The following CROCC2 variants were observed in gnomAD, a reference collection of about 807,000 sequenced individuals.
CROCC2 encodes ciliary rootlet coiled-coil protein 2.
CROCC2 carries 163 observed loss-of-function variants against 177.6 expected under a neutral mutation model. That is an observed-to-expected ratio of 0.92 (90% CI 0.81 to 1.05). The LOEUF is 1.05. Ranked by LOEUF, CROCC2 falls within the 50% of genes least tolerant of loss-of-function variation. The pLI, the probability that CROCC2 is intolerant of heterozygous loss-of-function variation, is 0.00. For missense variants in CROCC2, 1,929 were observed against 1,797.8 expected (o/e 1.07, Z -1.32); for synonymous variants, 904 against 787.3 (o/e 1.15, Z -2.48).
intron 27 of CROCC2, among the ~76,000 whole-genome samples, chr2:240,974,870 T>G (rs1246822497): frequency 1.3e-5 from 2 of 152,212 alleles, no homozygotes; most frequent in Admixed American, 1.3e-4. Flanking sequence ...TTTTTATTTC[T>G]TCTTAAATTT....
chr2:240,914,421 G>A (rs551448810), intron 1 of CROCC2, among the ~76,000 whole-genome samples: 1 of 152,348 alleles, frequency 6.6e-6, no homozygotes, highest in South Asian at 2.1e-4. Flanking sequence ...CTTCACTCTC[G>A]TGGACACACA....
Position 240,932,379 on chromosome 2 carries a change from A to G in CROCC2, c.1009A>G (p.Thr337Ala), listed in dbSNP as rs2059437932. Residue 337 changes from threonine (T) to alanine (A), a missense_variant, in exon 8 of 32, where the codon ACC becomes GCC. Transcript: ENST00000690015. Reference protein sequence around the residue: ...LTEQNEQKAKTIAALRTDLQN... With the variant: ...LTEQNEQKAKAIAALRTDLQN... ...AGAGCAGAATGAGCAGAAGGCGAAG[A>G]CCATCGCTGCCCTCAGAACCGACCT... 1.4e-6 allele frequency: 1 copy of G among 717,326 alleles called. No individual in the cohort carries two copies. The highest frequency in any genetic ancestry group is 2.0e-5 in the Admixed American group (1 of 50,004). The allele number at this position is 717,326 out of a possible 1,614,324, so 44.4% of individuals were successfully genotyped here.
At chr2:240,985,921 G>A (rs1318487303) in intron 28 of CROCC2, 1 of 456,366 alleles carries the variant, frequency 2.2e-6, no homozygotes. Context: ...GGCAGAGTGG[G>A]CACATGGCCC....
At chr2:240,947,145 A>T (rs1046969608) in intron 15 of CROCC2, among the ~76,000 whole-genome samples, 1 of 152,258 alleles carries the variant, frequency 6.6e-6, no homozygotes, top group African/African-American at 2.4e-5. Context: ...GAATTCTAGA[A>T]TCTGGGAGGC....
chr2:240,967,402 A>G lies in CROCC2; in HGVS notation c.4204A>G (p.Arg1402Gly), dbSNP rs1444515517. 2.2e-6 allele frequency: 2 copies of G among 914,320 alleles called. No homozygotes were observed. Among genetic ancestry groups the G allele is most frequent in the South Asian group, 2.8e-5 (2 of 71,430 alleles). 56.6% of individuals were successfully genotyped at this position (914,320 alleles called of 1,614,324 possible). The change falls in exon 26 of 32, where the codon AGG becomes GGG. Residue 1402 changes from arginine (R) to glycine (G), a missense_variant. Around this residue, in one of 3 missense-constraint regions of CROCC2, gnomAD observed 388 missense variants for 352.7 expected, o/e 1.10. Coordinates refer to ENST00000690015, the MANE Select transcript of CROCC2 (RefSeq NM_001351305.2). Reference protein sequence around the residue: ...LSSRLSEAECRCARAQSRVGQ... With the variant: ...LSSRLSEAECGCARAQSRVGQ... Reference sequence around the variant, plus strand: ...CAGCCGGCTGAGCGAGGCAGAGTGCAGGTGTGCCCGGGCCCAGAGCCGCGT... The same window carrying G: ...CAGCCGGCTGAGCGAGGCAGAGTGCGGGTGTGCCCGGGCCCAGAGCCGCGT...
At position 240,931,021 on chromosome 2, in the gene CROCC2, G is replaced by A. The variant is rs376955673; in HGVS notation, c.840G>A (p.Ser280=). ...ACCTCGACTCCAACCTGCGGCTGTC[G>A]GCCAGCAGCACGGCCAGCACCCTGG... ...CLNLDSNLRL[S]ASSTASTLGQ... is the part of the protein sequence containing the mutation. The change falls in exon 7 of 32, where the codon TCG becomes TCA. Residue 280 remains serine, a synonymous_variant. Transcript: ENST00000690015. The A allele has an allele frequency of 6.1e-4, 440 of 716,542 alleles. No individual in the cohort carries two copies. The highest frequency in any genetic ancestry group is 9.1e-4 in the Non-Finnish European group (352 of 384,822). The allele number at this position is 716,542 out of a possible 1,614,324, so 44.4% of individuals were successfully genotyped here. A position where few individuals can be genotyped will look rare whatever the true frequency, so the allele number is the denominator to read the frequency against.
intron 1 of CROCC2, among the ~76,000 whole-genome samples, 171 bp downstream of exon 1, chr2:240,906,762 C>A (rs541660451): frequency 2.6e-5 from 4 of 152,254 alleles, no homozygotes; most frequent in Non-Finnish European, 5.9e-5. Flanking sequence ...CGGATGCAAG[C>A]AGGCGCGCCT....
chr2:240,968,505 C>T (rs377675677), intron 27 of CROCC2, among the ~76,000 whole-genome samples: 3 of 152,202 alleles, frequency 2.0e-5, no homozygotes, highest in Non-Finnish European at 4.4e-5. Flanking sequence ...GCTGTCCTTA[C>T]GGTGGTTCTA....
At chr2:240,984,146 A>G (rs1482411468) in intron 28 of CROCC2, among the ~76,000 whole-genome samples, 1 of 152,140 alleles carries the variant, frequency 6.6e-6, no homozygotes, top group Admixed American at 6.5e-5. Context: ...AGGGTTTCCA[A>G]GCCCAAAGGT....
intron 19 of CROCC2, chr2:240,956,301 G>A (rs2059589694): frequency 2.8e-6 from 1 of 357,644 alleles, no homozygotes; most frequent in Non-Finnish European, 5.2e-6. Context: ...GAGCCCATAT[G>A]TGCACTGGAG....
Position 240,966,402 on chromosome 2 carries a change from G to A in CROCC2, c.4139G>A (p.Arg1380Gln), listed in dbSNP as rs950569917. The stretch of plus-strand genomic sequence containing the variant: ...GTGCAGAAGCTCCGGGAAGCCCAGC[G>A]GGAGCGGGTAATGGGGGCTGGGGTC... ...DFVQKLREAQ[R>Q]ERDDSRIQMA... The change falls in exon 25 of 32, where the codon CGG becomes CAG. Residue 1380 changes from arginine (R) to glutamine (Q), a missense_variant. Physicochemically the swap from Arg to Gln is conservative, Grantham distance 43. Transcript: ENST00000690015. 1.1e-4 allele frequency: 43 copies of A among 401,254 alleles called. No individual in the cohort carries two copies. The highest frequency in any genetic ancestry group is 1.3e-4 in the South Asian group (1 of 7,954). The allele number at this position is 401,254 out of a possible 1,614,324, so 24.9% of individuals were successfully genotyped here.
At chr2:240,911,446 C>T (rs185832558) in intron 1 of CROCC2, among the ~76,000 whole-genome samples, 20 of 152,146 alleles carry the variant, frequency 1.3e-4, no homozygotes, top group Admixed American at 5.9e-4. Flanking sequence ...TACAGGCACA[C>T]GCCACCATGC....
intron 21 of CROCC2, chr2:240,963,979 A>G: frequency 1.6e-6 from 1 of 613,026 alleles, no homozygotes; most frequent in Admixed American, 2.9e-5. Flanking sequence ...GGCTGAGGAC[A>G]TGGACACACC....
chr2:240,962,044 GCA>G lies in CROCC2; in HGVS notation c.3088-1505_3088-1504del, dbSNP rs2059645051. Among the ~76,000 whole-genome samples the G allele has an allele frequency of 4.9e-5, 6 of 121,784 alleles. No homozygotes were observed. The South Asian group carries it at 1.1e-3, about 22-fold the overall frequency. The allele number at this position is 121,784 out of a possible 152,430, so 79.9% of individuals were successfully genotyped here. ...CACACACACACGCACGCACACACGC[GCA>G]CACACATACACTCACACTCACACGC... On this transcript the variant is annotated intron_variant, in intron 20 of 31. Transcript: ENST00000690015.
At chr2:240,911,542 C>A (rs1032350165) in intron 1 of CROCC2, among the ~76,000 whole-genome samples, 1 of 152,128 alleles carries the variant, frequency 6.6e-6, no homozygotes, top group Non-Finnish European at 1.5e-5. Flanking sequence ...AAGCGATGTG[C>A]GCGCCTCAAC....
At position 240,935,246 on chromosome 2, in the gene CROCC2, G is replaced by A. The variant is rs1205202778; in HGVS notation, c.1939-112G>A. 7 of 1,224,788 alleles carry A rather than the reference G, an allele frequency of 5.7e-6. No homozygotes were observed. In the African/African-American group the frequency reaches 7.9e-5, roughly 14 times the overall value. The allele number at this position is 1,224,788 out of a possible 1,614,324, so 75.9% of individuals were successfully genotyped here. A position where few individuals can be genotyped will look rare whatever the true frequency, so the allele number is the denominator to read the frequency against. On this transcript the variant is annotated intron_variant, in intron 13 of 31. Coordinates refer to ENST00000690015, the MANE Select transcript of CROCC2 (RefSeq NM_001351305.2). Reference sequence around the variant, plus strand: ...GAGGGAGGGAAGAGAGTGCCCCTGGGCCAGGCCTGAGGGAGGGAAGACAGT... The same window carrying A: ...GAGGGAGGGAAGAGAGTGCCCCTGGACCAGGCCTGAGGGAGGGAAGACAGT...
chr2:240,968,297 C>T, intron 27 of CROCC2, 35 bp downstream of exon 27: 1 of 1,507,800 alleles, frequency 6.6e-7, no homozygotes, highest in Non-Finnish European at 8.8e-7. Flanking sequence ...CCAGGTGGGG[C>T]ACAAGAACAA....
chr2:240,913,092 C>T (rs1362932610), intron 1 of CROCC2, among the ~76,000 whole-genome samples: 5 of 152,340 alleles, frequency 3.3e-5, no homozygotes. Flanking sequence ...CCCATCCTCC[C>T]GCTCAGGAAC....
chr2:240,961,433 G>C (rs1439073084), intron 20 of CROCC2, among the ~76,000 whole-genome samples: 2 of 151,372 alleles, frequency 1.3e-5, no homozygotes, highest in African/African-American at 4.9e-5. Context: ...ACACGCATGT[G>C]TGCGCACACA....
Sources: allele counts gnomAD v4.1 joint callset (sites outside exome capture counted in the v4.1 genomes callset), GRCh38; gene constraint gnomAD v4.1.1; regional missense constraint gnomAD v4.1.1; transcripts MANE v1.5; gene names NCBI Gene and HGNC (gene_info 2026-07-23, HGNC 2026-07-21).